The following C6orf132 variants were observed in gnomAD, a reference collection of about 807,000 sequenced individuals.
The protein encoded by C6orf132 is uncharacterized protein C6orf132.
A neutral mutation model predicts 65.3 loss-of-function variants in C6orf132; 43 were observed. The observed-to-expected ratio is 0.66, with a 90% CI of 0.52 to 0.85. C6orf132 has a LOEUF of 0.85. Ranked by LOEUF, C6orf132 falls within the 40% of genes least tolerant of loss-of-function variation. C6orf132 has a pLI of 0.00. For missense variants in C6orf132, 1,488 were observed against 1,548.8 expected, an observed-to-expected ratio of 0.96 and a Z score of 0.66; for synonymous variants, 631 against 654.1, an observed-to-expected ratio of 0.96 and a Z score of 0.54.
At chr6:42,120,240 G>A (rs888988438) in intron 2 of C6orf132, among the ~76,000 whole-genome samples, 1 of 150,202 alleles carries the variant, frequency 6.7e-6, no homozygotes, top group Non-Finnish European at 1.5e-5. Flanking sequence ...TCTTTATTGC[G>A]AGGTTCTTTT....
chr6:42,122,171 G>A (rs1228710931), intron 2 of C6orf132, among the ~76,000 whole-genome samples: 1 of 152,186 alleles, frequency 6.6e-6, no homozygotes, highest in Non-Finnish European at 1.5e-5. Context: ...TCTTCCTCTG[G>A]ACCTATCTAC....
In C6orf132 at chr6:42,105,142, C is replaced by T. The variant is rs1321277113; in HGVS notation, c.2770G>A (p.Ala924Thr). The T allele has an allele frequency of 6.5e-7, 1 of 1,537,028 alleles. No individual in the cohort carries two copies. Among genetic ancestry groups the T allele is most frequent in the South Asian group, 1.2e-5 (1 of 84,054 alleles). ...NKWGPRLGRD[A>T]EGTELSRRHN... is the part of the protein sequence containing the mutation. The stretch of plus-strand genomic sequence containing the variant: ...CTGCGGCTCAGCTCTGTGCCCTCTG[C>T]GTCTCTTCCCAGCCGCGGCCCCCAC... Residue 924 changes from alanine (A) to threonine (T), a missense_variant, in exon 4 of 5, where the codon GCA becomes ACA. Ala to Thr is a moderately conservative substitution (Grantham distance 58). Coordinates refer to ENST00000341865, the MANE Select transcript of C6orf132 (RefSeq NM_001164446.3).
At chr6:42,139,561 C>A (rs1055208624) in intron 1 of C6orf132, among the ~76,000 whole-genome samples, 1 of 152,240 alleles carries the variant, frequency 6.6e-6, no homozygotes, top group Non-Finnish European at 1.5e-5. Context: ...TTCCTCAAAG[C>A]AGGCCATGGG....
At chr6:42,137,145 T>C (rs897433764) in intron 1 of C6orf132, among the ~76,000 whole-genome samples, 1 of 152,210 alleles carries the variant, frequency 6.6e-6, no homozygotes, top group African/African-American at 2.4e-5. Context: ...CTGAGTCTGT[T>C]TCCTCAATTG....
intron 2 of C6orf132, among the ~76,000 whole-genome samples, chr6:42,117,372 G>A (rs1389280401): frequency 6.6e-6 from 1 of 152,152 alleles, no homozygotes; most frequent in African/African-American, 2.4e-5. Flanking sequence ...CACACAGCTA[G>A]TAAGTGCCAG....
chr6:42,106,781 G>A lies in C6orf132; in HGVS notation c.1131C>T (p.Gly377=). 1 of 1,534,360 alleles carries A rather than the reference G, an allele frequency of 6.5e-7. No homozygotes were observed. Among genetic ancestry groups the A allele is most frequent in the Non-Finnish European group, 8.7e-7 (1 of 1,146,696 alleles). Residue 377 remains glycine, a synonymous_variant, in exon 4 of 5, where the codon GGC becomes GGT. Transcript: ENST00000341865. ...GTTCATCTGCTTGGGACTGGGACTGGCCAAGCCTTGGGCTGGCTGGTGCTG... is the reference window on the plus strand; with the variant it reads ...GTTCATCTGCTTGGGACTGGGACTGACCAAGCCTTGGGCTGGCTGGTGCTG... ...KATAPASPRL[G]QSQSQADERA...
At chr6:42,125,631 G>T (rs1015130046) in intron 2 of C6orf132, among the ~76,000 whole-genome samples, 4 of 152,220 alleles carry the variant, frequency 2.6e-5, no homozygotes, top group African/African-American at 9.7e-5. Context: ...CAGTGAGGGG[G>T]TGTGAGTTTT....
chr6:42,115,358 G>T (rs1488679164), intron 2 of C6orf132, among the ~76,000 whole-genome samples: 1 of 150,922 alleles, frequency 6.6e-6, no homozygotes, highest in East Asian at 2.0e-4. Flanking sequence ...TTTTAAAATG[G>T]TTAAAAGGCC....
intron 1 of C6orf132, among the ~76,000 whole-genome samples, chr6:42,132,968 G>T (rs1181936765): frequency 6.6e-6 from 1 of 152,178 alleles, no homozygotes; most frequent in South Asian, 2.1e-4. Flanking sequence ...TGGAGGCACA[G>T]CATGAGGTGA....
intron 2 of C6orf132, among the ~76,000 whole-genome samples, chr6:42,111,215 G>A (rs1255892490): frequency 1.3e-5 from 2 of 151,398 alleles, no homozygotes; most frequent in Non-Finnish European, 2.9e-5. Context: ...CCTCCATCTC[G>A]TGGCTCAAGC....
Position 42,103,589 on chromosome 6 carries a change from C to T in C6orf132, c.*172G>A, listed in dbSNP as rs1387954379. On this transcript the variant is annotated 3_prime_UTR_variant, in exon 5 of 5. Transcript: ENST00000341865. ...GCTTTGGGAAACAGAAGCCCACTCT[C>T]GGTCTTCCTGGGCCACTGCTTCTCA... 7.7e-6 allele frequency: 3 copies of T among 391,906 alleles called. No individual in the cohort carries two copies. Among genetic ancestry groups the T allele is most frequent in the Middle Eastern group, 5.2e-4 (1 of 1,912 alleles). 24.3% of individuals were successfully genotyped at this position (391,906 alleles called of 1,614,324 possible).
chr6:42,107,452 T>C lies in C6orf132; in HGVS notation c.460A>G (p.Ile154Val), dbSNP rs757055998. Residue 154 changes from isoleucine (I) to valine (V), a missense_variant, in exon 4 of 5, where the codon ATT (isoleucine) becomes GTT (valine). Physicochemically the swap from Ile to Val is conservative, Grantham distance 29 (BLOSUM62 3). Coordinates refer to ENST00000341865, the MANE Select transcript of C6orf132 (RefSeq NM_001164446.3). ...GGCGACCCCCCTGGAGGTTCTGAAA[T>C]GTCCTGAGGGGGCCCTGGGGCTGGG... is the stretch of plus-strand genomic sequence containing the variant. ...PGPAPGPPQDISEPPGGSPLP... is the reference protein window; with the variant it reads ...PGPAPGPPQDVSEPPGGSPLP... 4.6e-4 allele frequency: 616 copies of C among 1,335,080 alleles called. 1 individual carries two copies. Among genetic ancestry groups the C allele is most frequent in the Non-Finnish European group, 5.6e-4 (568 of 1,019,958 alleles). The allele number at this position is 1,335,080 out of a possible 1,614,324, so 82.7% of individuals were successfully genotyped here.
intron 3 of C6orf132, among the ~76,000 whole-genome samples, chr6:42,108,676 A>G (rs1258543241): frequency 6.6e-6 from 1 of 152,196 alleles, no homozygotes; most frequent in African/African-American, 2.4e-5. Flanking sequence ...GGCCTGGACA[A>G]TCTGGGTGCT....
intron 2 of C6orf132, among the ~76,000 whole-genome samples, chr6:42,123,488 AGAAGAAAAG>A (rs1268453702): frequency 6.3e-5 from 9 of 141,872 alleles, no homozygotes; most frequent in African/African-American, 1.7e-4. Context: ...GAGAAGAAGA[AGAAGAAAAG>A]AAGAAAGAAG....
chr6:42,103,010 ATCCTAAACTTGCCAAGTG>A lies in C6orf132; in HGVS notation c.*733_*750del. On this transcript the variant is annotated 3_prime_UTR_variant, in exon 5 of 5. Coordinates refer to ENST00000341865, the MANE Select transcript of C6orf132 (RefSeq NM_001164446.3). ...AAAGCCAGGCTTAACCTTGTTTCCC[ATCCTAAACTTGCCAAGTG>A]TCCTCTCTCTAGGCCTCCCTGTAGC... 1 of 398,536 alleles carries A rather than the reference ATCCTAAACTTGCCAAGTG, an allele frequency of 2.5e-6. No individual in the cohort carries two copies. The highest frequency in any genetic ancestry group is 1.3e-4 in the South Asian group (1 of 7,834). The allele number at this position is 398,536 out of a possible 1,614,324, so 24.7% of individuals were successfully genotyped here.
At position 42,103,010 on chromosome 6, in the gene C6orf132, A is replaced by G; in HGVS notation, c.*751T>C. On this transcript the variant is annotated 3_prime_UTR_variant, in exon 5 of 5. Transcript: ENST00000341865. ...AAAGCCAGGCTTAACCTTGTTTCCC[A>G]TCCTAAACTTGCCAAGTGTCCTCTC... 1 of 398,536 alleles carries G rather than the reference A, an allele frequency of 2.5e-6. No homozygotes were observed. The highest frequency in any genetic ancestry group is 1.3e-4 in the South Asian group (1 of 7,834). The allele number at this position is 398,536 out of a possible 1,614,324, so 24.7% of individuals were successfully genotyped here.
In C6orf132 at chr6:42,103,952, A is replaced by C. The variant is rs925609357; in HGVS notation, c.3450-74T>G. 3.8e-6 allele frequency: 4 copies of C among 1,044,588 alleles called. No homozygotes were observed. In the South Asian group the frequency reaches 9.6e-5, roughly 25 times the overall value. The allele number at this position is 1,044,588 out of a possible 1,614,324, so 64.7% of individuals were successfully genotyped here. On this transcript the variant is annotated intron_variant, in intron 4 of 4. Coordinates refer to ENST00000341865, the MANE Select transcript of C6orf132 (RefSeq NM_001164446.3). ...AACACGTCTCTCATCTCCCCGAGGGACCGAGAGGAAAAGATGCTGCTCATA... is the reference window on the plus strand; with the variant it reads ...AACACGTCTCTCATCTCCCCGAGGGCCCGAGAGGAAAAGATGCTGCTCATA...
At chr6:42,120,972 G>A (rs1766674814) in intron 2 of C6orf132, among the ~76,000 whole-genome samples, 1 of 152,184 alleles carries the variant, frequency 6.6e-6, no homozygotes, top group African/African-American at 2.4e-5. Context: ...CAACTTAGGA[G>A]TCAGGCAGAC....
chr6:42,126,653 C>A (rs1380612742), intron 2 of C6orf132: 1 of 235,700 alleles, frequency 4.2e-6, no homozygotes, highest in East Asian at 7.6e-5. Flanking sequence ...ACCAGCCTGG[C>A]CAAAATGGTG....
Sources: gnomAD v4.1 joint callset for allele counts (sites outside exome capture counted in the v4.1 genomes callset) on GRCh38, gnomAD v4.1.1 for gene constraint, MANE v1.5 for transcripts, NCBI Gene and HGNC (gene_info 2026-07-23, HGNC 2026-07-21) for gene names.